The following GPC3 variants were observed in gnomAD, a reference collection of about 807,000 sequenced individuals.
GPC3 encodes the protein glypican-3.
Under a neutral mutation model 34.4 loss-of-function variants are expected in GPC3, and 3 were observed. The observed-to-expected ratio is 0.09, with a 90% CI of 0.04 to 0.23. The LOEUF (loss-of-function observed/expected upper bound fraction) is 0.23, where lower values mean the gene tolerates loss of function less well. Ranked by LOEUF, GPC3 falls within the 10% of genes least tolerant of loss-of-function variation. The pLI is 1.00. For missense variants in GPC3, 351 were observed against 445.6 expected (o/e 0.79, Z 1.91); for synonymous variants, 177 against 174.0 (o/e 1.02, Z -0.13).
At position 133,548,936 on chromosome X, in the gene GPC3, G is replaced by GT. The variant is rs200101965; in HGVS notation, c.1574-12644dup. On this transcript the variant is annotated intron_variant, in intron 7 of 7. Transcript: ENST00000370818. ...GAGGCCTCCCCAGTCATGTGGAACT[G>GT]TAAGTCCATTAAGTCTCTTTTCTTT... Among the ~76,000 whole-genome samples, 521 of 111,711 alleles carry GT rather than the reference G, an allele frequency of 4.7e-3. 6 individuals are homozygous for GT. The highest frequency in any genetic ancestry group is 0.016 in the African/African-American group (494 of 30,770).
intron 2 of GPC3, among the ~76,000 whole-genome samples, chrX:133,865,650 A>G (rs986015638): frequency 1.8e-5 from 2 of 112,403 alleles, no homozygotes; most frequent in African/African-American, 6.5e-5. Flanking sequence ...TCAGTAAAAT[A>G]GAATATTTTC....
chrX:133,647,081 A>G (rs1183270433), intron 6 of GPC3, among the ~76,000 whole-genome samples: 1 of 112,085 alleles, frequency 8.9e-6, no homozygotes, highest in Non-Finnish European at 1.9e-5. Flanking sequence ...TTTGATGGCG[A>G]AAAGAATCCC....
At chrX:133,643,710 T>A (rs368327386) in intron 6 of GPC3, among the ~76,000 whole-genome samples, 3 of 111,664 alleles carry the variant, frequency 2.7e-5, no homozygotes, top group African/African-American at 6.5e-5. Context: ...TATCTTTCTA[T>A]GCACAACTGT....
At chrX:133,739,286 T>A (rs1159464534) in intron 3 of GPC3, among the ~76,000 whole-genome samples, 1 of 111,335 alleles carries the variant, frequency 9.0e-6, no homozygotes, top group African/African-American at 3.3e-5. Context: ...TCAATGATGG[T>A]GCTACTAATG....
intron 3 of GPC3, among the ~76,000 whole-genome samples, chrX:133,729,348 G>A (rs2071441607): frequency 9.0e-6 from 1 of 111,705 alleles, no homozygotes; most frequent in South Asian, 3.8e-4. Flanking sequence ...CTTCCCAGCA[G>A]TCATCTATTT....
chrX:133,972,390 T>G (rs190628388), intron 1 of GPC3, among the ~76,000 whole-genome samples: 261 of 112,164 alleles, frequency 2.3e-3, no homozygotes, highest in African/African-American at 8.0e-3. Flanking sequence ...TACCCCAGAA[T>G]GCCAGCAAAA....
chrX:133,600,161 T>C (rs1333034369), intron 6 of GPC3, among the ~76,000 whole-genome samples: 1 of 112,030 alleles, frequency 8.9e-6, no homozygotes, highest in African/African-American at 3.2e-5. Context: ...GTCTAGCACA[T>C]AGTAGGCACT....
chrX:133,579,310 ACCC>A (rs1402513901), intron 7 of GPC3, among the ~76,000 whole-genome samples: 3 of 109,810 alleles, frequency 2.7e-5, no homozygotes, highest in Non-Finnish European at 3.8e-5. Flanking sequence ...ATTGCCCACC[ACCC>A]CCCAAGACCC....
At chrX:133,839,337 C>G (rs779707157) in intron 2 of GPC3, among the ~76,000 whole-genome samples, 2 of 111,610 alleles carry the variant, frequency 1.8e-5, no homozygotes, top group Admixed American at 1.9e-4. Flanking sequence ...TCAGGGGGGT[C>G]TGGGAATCCT....
rs201022015 is a variant in GPC3 at position 133,965,179 on chromosome X, C to A, written c.176-11968G>T. 1.3e-4 allele frequency among the ~76,000 whole-genome samples: 14 copies of A among 109,702 alleles called. No homozygotes were observed. The East Asian group carries it at 2.9e-3, about 22-fold the overall frequency. ...TGGGTTGAATGGTGTCACCCCCCCC[C>A]ACCCCCAATATATGTCCATGTCCTA... On this transcript the variant is annotated intron_variant, in intron 1 of 7. Transcript: ENST00000370818.
intron 3 of GPC3, among the ~76,000 whole-genome samples, chrX:133,721,525 C>T (rs2071367266): frequency 9.0e-6 from 1 of 111,478 alleles, no homozygotes; most frequent in East Asian, 2.8e-4. Flanking sequence ...CCAGAGGCTT[C>T]ACTGGTGAGT....
intron 1 of GPC3, among the ~76,000 whole-genome samples, chrX:133,975,919 C>T (rs1339398661): frequency 1.8e-5 from 2 of 111,758 alleles, no homozygotes; most frequent in Non-Finnish European, 3.8e-5. Context: ...CTTCTTGGGT[C>T]ACATTCTCAT....
chrX:133,906,975 C>A (rs2076170834), intron 2 of GPC3, among the ~76,000 whole-genome samples: 1 of 109,943 alleles, frequency 9.1e-6, no homozygotes, highest in African/African-American at 3.3e-5. Flanking sequence ...GTGGCGGGCG[C>A]CTGTAGTCCC....
chrX:133,911,158 T>C (rs368857273), intron 2 of GPC3, among the ~76,000 whole-genome samples: 3 of 112,667 alleles, frequency 2.7e-5, no homozygotes, highest in Non-Finnish European at 5.6e-5. Flanking sequence ...TAGATTTTGC[T>C]CTGATCAAAC....
At chrX:133,962,027 T>A (rs777392199) in intron 1 of GPC3, among the ~76,000 whole-genome samples, 2 of 112,071 alleles carry the variant, frequency 1.8e-5, no homozygotes, top group Non-Finnish European at 3.8e-5. Context: ...GTGGGTGGCA[T>A]CTTCAGGCAC....
At chrX:133,967,171 C>T (rs1165177024) in intron 1 of GPC3, among the ~76,000 whole-genome samples, 1 of 111,952 alleles carries the variant, frequency 8.9e-6, no homozygotes, top group African/African-American at 3.2e-5. Context: ...TTTCTCTGAA[C>T]CAAATGTTTC....
chrX:133,600,767 T>C (rs2069972298), intron 6 of GPC3, among the ~76,000 whole-genome samples: 1 of 111,729 alleles, frequency 9.0e-6, no homozygotes, highest in Non-Finnish European at 1.9e-5. Flanking sequence ...CAATTCACAA[T>C]ATTGACCTTT....
chrX:133,812,343 T>A (rs750284746), intron 2 of GPC3, among the ~76,000 whole-genome samples: 1 of 112,211 alleles, frequency 8.9e-6, no homozygotes, highest in African/African-American at 3.2e-5. Context: ...CAAATTGCTG[T>A]TAATATTTAA....
chrX:133,798,827 C>T (rs924223069), intron 2 of GPC3, among the ~76,000 whole-genome samples: 3 of 111,370 alleles, frequency 2.7e-5, no homozygotes, highest in African/African-American at 9.8e-5. Flanking sequence ...TGAAGTTTCC[C>T]TCACTGGGAC....
Sources: gnomAD v4.1 joint callset for allele counts (sites outside exome capture counted in the v4.1 genomes callset) on GRCh38, gnomAD v4.1.1 for gene constraint, MANE v1.5 for transcripts, NCBI Gene and HGNC (gene_info 2026-07-23, HGNC 2026-07-21) for gene names.